Variants in GLE1 observed in about 807,000 individuals in gnomAD.
GLE1 encodes mRNA export factor GLE1.
GLE1 carries 78 observed loss-of-function variants against 97.3 expected under a neutral mutation model. The ratio of observed to expected loss-of-function variants is 0.80; its 90% CI spans 0.67 to 0.97. The LOEUF (loss-of-function observed/expected upper bound fraction) is 0.97, where lower values mean the gene tolerates loss of function less well. Ranked by LOEUF, GLE1 falls within the 50% of genes least tolerant of loss-of-function variation. The pLI is 0.00. For synonymous variants in GLE1, 302 were observed against 313.4 expected (o/e 0.96, Z 0.39); for missense variants, 753 against 857.5 (o/e 0.88, Z 1.52).
At chr9:128,535,522 CAA>C (rs60357152) in intron 11 of GLE1, among the ~76,000 whole-genome samples, 7 of 120,362 alleles carry the variant, frequency 5.8e-5, no homozygotes, top group Admixed American at 1.8e-4. Context: ...AACTCTGTCT[CAA>C]AAAAAAAAAA....
intron 1 of GLE1, among the ~76,000 whole-genome samples, chr9:128,506,114 G>A (rs1263271429): frequency 6.6e-6 from 1 of 152,180 alleles, no homozygotes; most frequent in Non-Finnish European, 1.5e-5. Context: ...GGGAGGCCGA[G>A]GGGGACGGAT....
chr9:128,518,302 T>C (rs142144307), intron 3 of GLE1, among the ~76,000 whole-genome samples: 3,519 of 152,278 alleles, frequency 0.023, 139 homozygotes, highest in African/African-American at 0.081. Flanking sequence ...GGCTCACACC[T>C]GTAATCCCAG....
In GLE1 at chr9:128,520,434, ATATG is replaced by A. The variant is rs1276602227; in HGVS notation, c.433-2230_433-2227del. On this transcript the variant is annotated intron_variant, in intron 3 of 15. Coordinates refer to ENST00000309971, the MANE Select transcript of GLE1 (RefSeq NM_001003722.2). Reference sequence around the variant, plus strand: ...TGTATATATATGTATATATGTATATATATGTATATATATATAAAAAATACAATAA... The same window carrying A: ...TGTATATATATGTATATATGTATATATATATATATATAAAAAATACAATAA... Among the ~76,000 whole-genome samples the A allele has an allele frequency of 2.0e-4, 29 of 148,120 alleles. No individual in the cohort carries two copies. The South Asian group carries it at 2.7e-3, about 14-fold the overall frequency.
intron 12 of GLE1, 62 bp from the exon 13 acceptor site, chr9:128,537,924 A>G (rs1173036744): frequency 6.5e-6 from 6 of 926,378 alleles, no homozygotes; most frequent in Non-Finnish European, 1.1e-5. Context: ...TGGATGATAC[A>G]CTGGGAGTTT....
In GLE1 at chr9:128,526,220, C is replaced by A. The variant is rs193195084; in HGVS notation, c.1129+797C>A. Reference sequence around the variant, plus strand: ...TATTTTTAGTAAAGATGGGATTTCACCACGTTGGCCAGGCTGGTCTCAAAC... The same window carrying A: ...TATTTTTAGTAAAGATGGGATTTCAACACGTTGGCCAGGCTGGTCTCAAAC... On this transcript the variant is annotated intron_variant, in intron 7 of 15. Coordinates refer to ENST00000309971, the MANE Select transcript of GLE1 (RefSeq NM_001003722.2). Among the ~76,000 whole-genome samples, 3 of 151,872 alleles carry A rather than the reference C, an allele frequency of 2.0e-5. No homozygotes were observed. The East Asian group carries it at 5.9e-4, about 30-fold the overall frequency.
intron 11 of GLE1, among the ~76,000 whole-genome samples, chr9:128,535,853 G>A (rs1847690989): frequency 6.6e-6 from 1 of 151,980 alleles, no homozygotes; most frequent in Non-Finnish European, 1.5e-5. Flanking sequence ...GCATGTGCCT[G>A]TGGTCCTAGC....
Position 128,536,382 on chromosome 9 carries a change from C to T in GLE1, c.1674C>T (p.Ser558=). Residue 558 remains serine, a synonymous_variant, in exon 12 of 16, where the codon TCC becomes TCT. Coordinates refer to ENST00000309971, the MANE Select transcript of GLE1 (RefSeq NM_001003722.2). The stretch of plus-strand genomic sequence containing the variant: ...TGCTTGGTTACCAAGTAAAGGATTC[C>T]AAAGTGGAGCAGCAAGACAACTTTC... ...QRMLGYQVKD[S]KVEQQDNFLK... 1 of 1,613,842 alleles carries T rather than the reference C, an allele frequency of 6.2e-7. No individual in the cohort carries two copies. The highest frequency in any genetic ancestry group is 1.1e-5 in the South Asian group (1 of 91,080).
At chr9:128,524,072 C>CTTTTTT (rs67466089) in intron 6 of GLE1, among the ~76,000 whole-genome samples, 139 of 69,990 alleles carry the variant, frequency 2.0e-3, no homozygotes, top group African/African-American at 9.3e-3. Flanking sequence ...ATTCTGGAGT[C>CTTTTTT]TTTTTTTTTT....
chr9:128,511,123 G>A (rs527965010), intron 2 of GLE1, among the ~76,000 whole-genome samples: 51 of 151,556 alleles, frequency 3.4e-4, no homozygotes, highest in African/African-American at 1.2e-3. Context: ...AGAATTGCTT[G>A]AACCCGGGAG....
chr9:128,540,228 T>C, intron 14 of GLE1, 47 bp from the exon 15 acceptor site: 1 of 1,243,456 alleles, frequency 8.0e-7, no homozygotes, highest in Non-Finnish European at 1.2e-6. Flanking sequence ...TTCCAAAAGA[T>C]AGGTGTATAT....
At chr9:128,534,076 A>C (rs757116121) in intron 11 of GLE1, 125 bp downstream of exon 11, 16 of 777,812 alleles carry the variant, frequency 2.1e-5, no homozygotes, top group Non-Finnish European at 3.4e-5. Flanking sequence ...TCAGAAATAT[A>C]ATGTCTTTCG....
chr9:128,523,372 T>C (rs767033259), intron 5 of GLE1, 32 bp downstream of exon 5: 10 of 1,586,830 alleles, frequency 6.3e-6, no homozygotes, highest in Non-Finnish European at 8.7e-6. Context: ...TGTGGGTGTT[T>C]TGGTGTCTGT....
intron 3 of GLE1, among the ~76,000 whole-genome samples, chr9:128,522,279 T>A (rs1847172218): frequency 6.6e-6 from 1 of 152,184 alleles, no homozygotes; most frequent in African/African-American, 2.4e-5. Context: ...CCCTTAAGTA[T>A]CTCTGATGGT....
intron 3 of GLE1, among the ~76,000 whole-genome samples, chr9:128,521,848 A>G (rs1314763302): frequency 2.0e-5 from 3 of 152,222 alleles, no homozygotes; most frequent in Non-Finnish European, 2.9e-5. Context: ...AGACACTTCA[A>G]ATTTTGATAG....
chr9:128,510,633 GTTC>G (rs1172409815), intron 2 of GLE1, among the ~76,000 whole-genome samples: 1 of 150,212 alleles, frequency 6.7e-6, no homozygotes, highest in East Asian at 2.0e-4. Flanking sequence ...GGTTCACGCG[GTTC>G]TTCTGCCTCA....
In GLE1 at chr9:128,536,476, C is replaced by A; in HGVS notation, c.1768C>A (p.Arg590=). ...CCAGCTCCGGTGGCCATATGGAAAC[C>A]GACAGGAGGTAGGTAAAAGAGGCTT... ...IIQLRWPYGN[R]QEIHPHGLNH... Residue 590 remains arginine, a synonymous_variant, in exon 12 of 16, where the codon CGA becomes AGA. Coordinates refer to ENST00000309971, the MANE Select transcript of GLE1 (RefSeq NM_001003722.2). 6.2e-7 allele frequency: 1 copy of A among 1,613,532 alleles called. No homozygotes were observed. Among genetic ancestry groups the A allele is most frequent in the South Asian group, 1.1e-5 (1 of 91,060 alleles).
intron 9 of GLE1, among the ~76,000 whole-genome samples, chr9:128,530,374 C>T (rs1234626945): frequency 1.3e-5 from 2 of 152,198 alleles, no homozygotes; most frequent in Non-Finnish European, 2.9e-5. Context: ...ACTCAGTAAT[C>T]TTAGCTGGAA....
At position 128,536,370 on chromosome 9, in the gene GLE1, A is replaced by G. The variant is rs1188958143; in HGVS notation, c.1662A>G (p.Gln554=). ...TCCCGTATAGGATGCTTGGTTACCA[A>G]GTAAAGGATTCCAAAGTGGAGCAGC... The part of the protein sequence containing the change: ...LEDYQRMLGY[Q]VKDSKVEQQD... Residue 554 remains glutamine, a synonymous_variant, in exon 12 of 16, where the codon CAA becomes CAG. Transcript: ENST00000309971. 1.2e-6 allele frequency: 2 copies of G among 1,613,606 alleles called. No homozygotes were observed. Among genetic ancestry groups the G allele is most frequent in the Non-Finnish European group, 1.7e-6 (2 of 1,179,774 alleles).
intron 12 of GLE1, 98 bp from the exon 13 acceptor site, chr9:128,537,887 TG>T: frequency 1.4e-6 from 1 of 738,604 alleles, no homozygotes. Context: ...CTGGATGATC[TG>T]GGGTTCATTT....
Sources: gnomAD v4.1 joint callset for allele counts (sites outside exome capture counted in the v4.1 genomes callset) on GRCh38, gnomAD v4.1.1 for gene constraint, MANE v1.5 for transcripts, NCBI Gene and HGNC (gene_info 2026-07-23, HGNC 2026-07-21) for gene names.